The following KCNIP4 variants were observed in gnomAD, a reference collection of about 807,000 sequenced individuals.
The protein encoded by KCNIP4 is Kv channel-interacting protein 4.
A neutral mutation model predicts 34.0 loss-of-function variants in KCNIP4; 12 were observed. The ratio of observed to expected loss-of-function variants is 0.35; its 90% CI spans 0.23 to 0.57. The LOEUF (loss-of-function observed/expected upper bound fraction) is 0.57, where lower values mean the gene tolerates loss of function less well. Among genes scored for constraint, KCNIP4 ranks in the 20% least tolerant of loss-of-function variants. The probability of loss-of-function intolerance (pLI) is 0.83; values close to 1 mark genes in which losing one functional copy is unlikely to be tolerated. For synonymous variants in KCNIP4, 124 were observed against 102.2 expected (o/e 1.21, Z -1.29); for missense variants, 238 against 311.7 (o/e 0.76, Z 1.78).
chr4:20,911,272 T>C (rs1728300729), intron 1 of KCNIP4, among the ~76,000 whole-genome samples: 1 of 152,210 alleles, frequency 6.6e-6, no homozygotes, highest in South Asian at 2.1e-4. Context: ...CCATTATGAA[T>C]ATTATTCAAT....
At chr4:21,260,790 T>C (rs1195766294) in intron 1 of KCNIP4, among the ~76,000 whole-genome samples, 7 of 152,222 alleles carry the variant, frequency 4.6e-5, no homozygotes, top group Admixed American at 4.6e-4. Context: ...TCATTCCAAC[T>C]ATAATTCAAA....
intron 1 of KCNIP4, among the ~76,000 whole-genome samples, chr4:21,667,738 T>C (rs1384832425): frequency 1.3e-5 from 2 of 152,356 alleles, no homozygotes; most frequent in East Asian, 3.9e-4. Flanking sequence ...CGAATAATGC[T>C]TCTACTTACT....
chr4:21,418,123 G>A (rs1269511048), intron 1 of KCNIP4, among the ~76,000 whole-genome samples: 1 of 150,452 alleles, frequency 6.6e-6, no homozygotes, highest in Non-Finnish European at 1.5e-5. Context: ...TGAAGGCTCT[G>A]TGATGATAAC....
chr4:21,501,712 G>GTGTGTGTA (rs1162827843), intron 1 of KCNIP4, among the ~76,000 whole-genome samples: 1 of 151,154 alleles, frequency 6.6e-6, no homozygotes, highest in African/African-American at 2.4e-5. Flanking sequence ...GTGTGTGTGT[G>GTGTGTGTA]TGTGCGTTGG....
At chr4:21,428,460 T>TTGGC (rs1726123772) in intron 1 of KCNIP4, among the ~76,000 whole-genome samples, 1 of 152,160 alleles carries the variant, frequency 6.6e-6, no homozygotes, top group African/African-American at 2.4e-5. Flanking sequence ...TCATATGACT[T>TTGGC]CAGGTTACTT....
At chr4:21,443,638 G>T (rs149237754) in intron 1 of KCNIP4, among the ~76,000 whole-genome samples, 1 of 152,134 alleles carries the variant, frequency 6.6e-6, no homozygotes, top group Non-Finnish European at 1.5e-5. Flanking sequence ...ATGCTCTAAA[G>T]AATTTGGACT....
At chr4:20,874,562 T>C (rs1309717444) in intron 2 of KCNIP4, among the ~76,000 whole-genome samples, 1 of 152,088 alleles carries the variant, frequency 6.6e-6, no homozygotes, top group Non-Finnish European at 1.5e-5. Flanking sequence ...TTTCCTATAC[T>C]AAAACCTGTG....
chr4:20,904,993 C>G (rs1356940879), intron 1 of KCNIP4, among the ~76,000 whole-genome samples: 1 of 152,138 alleles, frequency 6.6e-6, no homozygotes, highest in Admixed American at 6.5e-5. Context: ...ACAGTTTTTT[C>G]AGCCCAGTTC....
chr4:21,279,111 T>A (rs910830773), intron 1 of KCNIP4, among the ~76,000 whole-genome samples: 1 of 152,198 alleles, frequency 6.6e-6, no homozygotes, highest in African/African-American at 2.4e-5. Context: ...TTATGAAAGC[T>A]TATATTAGGT....
chr4:20,997,631 G>T (rs927330395), intron 1 of KCNIP4, among the ~76,000 whole-genome samples: 5 of 152,222 alleles, frequency 3.3e-5, no homozygotes, highest in African/African-American at 1.2e-4. Flanking sequence ...CTCTACCTGA[G>T]AGGGCTGCCC....
At chr4:20,820,715 G>A (rs1716995650) in intron 3 of KCNIP4, among the ~76,000 whole-genome samples, 1 of 152,156 alleles carries the variant, frequency 6.6e-6, no homozygotes, top group African/African-American at 2.4e-5. Flanking sequence ...GAATGCCAGG[G>A]CCTTGAGAGC....
intron 1 of KCNIP4, among the ~76,000 whole-genome samples, chr4:21,593,835 ATT>A (rs1742412957): frequency 6.6e-6 from 1 of 152,276 alleles, no homozygotes; most frequent in Admixed American, 6.5e-5. Context: ...CCATGTCAAC[ATT>A]TGAGACAAAT....
intron 1 of KCNIP4, among the ~76,000 whole-genome samples, chr4:21,376,414 G>A (rs1481380519): frequency 2.0e-5 from 3 of 152,140 alleles, no homozygotes; most frequent in East Asian, 3.9e-4. Context: ...AGCCCCGTAA[G>A]CCTATTTGTA....
intron 1 of KCNIP4, among the ~76,000 whole-genome samples, chr4:21,946,783 A>C (rs1350938019): frequency 6.6e-6 from 1 of 152,228 alleles, no homozygotes; most frequent in East Asian, 1.9e-4. Context: ...CACCTTAGCC[A>C]AGGTATAAAA....
intron 1 of KCNIP4, among the ~76,000 whole-genome samples, chr4:21,020,972 T>A (rs1244836262): frequency 2.6e-5 from 4 of 152,178 alleles, no homozygotes; most frequent in Non-Finnish European, 5.9e-5. Flanking sequence ...AGGATGAGGA[T>A]GCATTCTGAG....
In KCNIP4 at chr4:20,730,118, T is replaced by G; in HGVS notation, c.717A>C (p.Ile239=). 1 of 1,608,314 alleles carries G rather than the reference T, an allele frequency of 6.2e-7. No homozygotes were observed. The highest frequency in any genetic ancestry group is 8.5e-7 in the Non-Finnish European group (1 of 1,178,044). ...FIESCQKDEN[I]MRSMQLFENV... Reference sequence around the variant, plus strand: ...TTTCAAAGAGCTGCATGGAGCGCATTATGTTTTCATCCTGTAAGGGAGAAA... The same window carrying G: ...TTTCAAAGAGCTGCATGGAGCGCATGATGTTTTCATCCTGTAAGGGAGAAA... The change falls in exon 9 of 9, where the codon ATA becomes ATC. Residue 239 remains isoleucine (I), a synonymous_variant. Transcript: ENST00000382152.
At chr4:21,443,242 G>A (rs1162572526) in intron 1 of KCNIP4, among the ~76,000 whole-genome samples, 1 of 152,102 alleles carries the variant, frequency 6.6e-6, no homozygotes, top group Non-Finnish European at 1.5e-5. Context: ...GCCTCCACTA[G>A]CTTCTCATCA....
At chr4:21,826,692 T>C (rs1184319075) in intron 1 of KCNIP4, among the ~76,000 whole-genome samples, 1 of 152,060 alleles carries the variant, frequency 6.6e-6, no homozygotes, top group Non-Finnish European at 1.5e-5. Flanking sequence ...AGAGGTCCAA[T>C]TACTCTCCTA....
chr4:21,169,915 C>A (rs1753894698), intron 1 of KCNIP4, among the ~76,000 whole-genome samples: 2 of 152,170 alleles, frequency 1.3e-5, no homozygotes, highest in Non-Finnish European at 2.9e-5. Flanking sequence ...AAGCTTTAGA[C>A]CTCTGTTAGG....
Sources: allele counts gnomAD v4.1 joint callset (sites outside exome capture counted in the v4.1 genomes callset), GRCh38; gene constraint gnomAD v4.1.1; transcripts MANE v1.5; gene names NCBI Gene and HGNC (gene_info 2026-07-23, HGNC 2026-07-21).